The following PDZRN4 variants were observed in gnomAD, a reference collection of about 807,000 sequenced individuals.
PDZRN4 encodes PDZ domain containing ring finger 4.
In PDZRN4, 70 loss-of-function variants were observed where a neutral mutation model predicts 99.0. The ratio of observed to expected loss-of-function variants is 0.71; its 90% CI spans 0.58 to 0.86. PDZRN4 has a LOEUF of 0.86. Ranked by LOEUF, PDZRN4 falls within the 40% of genes least tolerant of loss-of-function variation. The pLI is 0.00. For missense variants in PDZRN4, 1,474 were observed against 1,331.2 expected, an observed-to-expected ratio of 1.11 and a Z score of -1.67; for synonymous variants, 551 against 501.6, an observed-to-expected ratio of 1.10 and a Z score of -1.32.
At chr12:41,437,041 G>A (rs142812802) in intron 3 of PDZRN4, among the ~76,000 whole-genome samples, 1 of 152,046 alleles carries the variant, frequency 6.6e-6, no homozygotes, top group Non-Finnish European at 1.5e-5. Flanking sequence ...CAATAGATGG[G>A]CCTTCATTAT....
intron 3 of PDZRN4, among the ~76,000 whole-genome samples, chr12:41,460,925 G>A (rs1372004147): frequency 3.3e-5 from 5 of 152,192 alleles, no homozygotes; most frequent in Non-Finnish European, 7.3e-5. Context: ...GTTCTTTGGA[G>A]TTTCAAATTG....
chr12:41,297,868 A>T (rs1363367009), intron 3 of PDZRN4, among the ~76,000 whole-genome samples: 1 of 152,248 alleles, frequency 6.6e-6, no homozygotes, highest in Non-Finnish European at 1.5e-5. Context: ...ATTTAATTAT[A>T]GTCATCCTCT....
intron 3 of PDZRN4, among the ~76,000 whole-genome samples, chr12:41,334,664 G>A (rs117264624): frequency 0.012 from 1,844 of 152,258 alleles, 28 homozygotes; most frequent in Non-Finnish European, 0.016. Context: ...AATGGATCAT[G>A]TCTGCCTTGC....
At chr12:41,251,648 C>A (rs117245056) in intron 3 of PDZRN4, among the ~76,000 whole-genome samples, 2 of 152,056 alleles carry the variant, frequency 1.3e-5, no homozygotes, top group African/African-American at 4.8e-5. Context: ...AAATAATACA[C>A]CTTTTCCATG....
chr12:41,540,250 C>A (rs1271805096), intron 5 of PDZRN4, among the ~76,000 whole-genome samples: 1 of 152,062 alleles, frequency 6.6e-6, no homozygotes, highest in African/African-American at 2.4e-5. Flanking sequence ...ATGAGAAACT[C>A]CAAGCATTTT....
intron 3 of PDZRN4, among the ~76,000 whole-genome samples, chr12:41,347,176 T>C (rs2121029134): frequency 6.6e-6 from 1 of 152,266 alleles, no homozygotes; most frequent in Non-Finnish European, 1.5e-5. Context: ...GGAGAGGAAT[T>C]GCTGGGTCCT....
chr12:41,302,918 CAT>C (rs1293814580), intron 3 of PDZRN4, among the ~76,000 whole-genome samples: 2 of 131,716 alleles, frequency 1.5e-5, no homozygotes, highest in South Asian at 5.4e-4. Flanking sequence ...GTCCTGATTT[CAT>C]ATATATATAT....
chr12:41,210,818 C>T (rs891004348), intron 3 of PDZRN4, among the ~76,000 whole-genome samples: 1 of 151,868 alleles, frequency 6.6e-6, no homozygotes, highest in Non-Finnish European at 1.5e-5. Flanking sequence ...AGGTTTAAAA[C>T]CCCAGAATTG....
chr12:41,544,999 A>G (rs903670430), intron 5 of PDZRN4, among the ~76,000 whole-genome samples: 9 of 152,228 alleles, frequency 5.9e-5, no homozygotes, highest in African/African-American at 2.2e-4. Context: ...CGATAGGACA[A>G]TGACACTGCT....
chr12:41,328,857 C>T (rs183729946), intron 3 of PDZRN4, among the ~76,000 whole-genome samples: 2 of 152,086 alleles, frequency 1.3e-5, no homozygotes, highest in Non-Finnish European at 2.9e-5. Context: ...GGGAGTGAGG[C>T]TTTTCTGATT....
intron 3 of PDZRN4, among the ~76,000 whole-genome samples, chr12:41,306,096 T>G (rs1427132681): frequency 2.6e-5 from 4 of 152,120 alleles, no homozygotes; most frequent in African/African-American, 9.7e-5. Context: ...ACAAGGCAAA[T>G]TCCATGAGAT....
chr12:41,227,876 TAC>T (rs138441771), intron 3 of PDZRN4, among the ~76,000 whole-genome samples: 4,893 of 94,104 alleles, frequency 0.052, 99 homozygotes, highest in East Asian at 0.085. Flanking sequence ...AGCAAAAATC[TAC>T]ACACACACAC....
At chr12:41,242,242 G>T (rs1951106038) in intron 3 of PDZRN4, among the ~76,000 whole-genome samples, 1 of 152,174 alleles carries the variant, frequency 6.6e-6, no homozygotes, top group Admixed American at 6.5e-5. Context: ...AAAAGAAGAT[G>T]TCATACTGAT....
At chr12:41,401,992 G>A (rs1314482556) in intron 3 of PDZRN4, among the ~76,000 whole-genome samples, 1 of 149,504 alleles carries the variant, frequency 6.7e-6, no homozygotes, top group Non-Finnish European at 1.5e-5. Context: ...CTTGAGGTCA[G>A]CATAAAAGCA....
intron 3 of PDZRN4, among the ~76,000 whole-genome samples, chr12:41,359,149 C>T (rs994082789): frequency 2.6e-5 from 4 of 151,838 alleles, no homozygotes; most frequent in African/African-American, 9.7e-5. Flanking sequence ...CTACTTTCTT[C>T]AAAGGCATTT....
chr12:41,230,625 A>C (rs1251471242), intron 3 of PDZRN4, among the ~76,000 whole-genome samples: 4 of 152,106 alleles, frequency 2.6e-5, no homozygotes, highest in Non-Finnish European at 5.9e-5. Flanking sequence ...GTGTGGAATC[A>C]GTAACATCCT....
At chr12:41,210,152 G>A (rs1950878644) in intron 3 of PDZRN4, among the ~76,000 whole-genome samples, 2 of 151,928 alleles carry the variant, frequency 1.3e-5, no homozygotes, top group Non-Finnish European at 2.9e-5. Flanking sequence ...CTTCTTTTGA[G>A]AAGTGTCTGT....
At chr12:41,407,838 A>C (rs1341880767) in intron 3 of PDZRN4, among the ~76,000 whole-genome samples, 1 of 152,218 alleles carries the variant, frequency 6.6e-6, no homozygotes, top group Non-Finnish European at 1.5e-5. Context: ...GTTATCACGC[A>C]ACTGGCATGA....
intron 3 of PDZRN4, among the ~76,000 whole-genome samples, chr12:41,325,979 C>G (rs1951707052): frequency 6.6e-6 from 1 of 151,892 alleles, no homozygotes; most frequent in South Asian, 2.1e-4. Context: ...CGATGTTTCT[C>G]TTCTCTTTTT....
Sources: allele counts gnomAD v4.1 joint callset (sites outside exome capture counted in the v4.1 genomes callset), GRCh38; gene constraint gnomAD v4.1.1; transcripts MANE v1.5; gene names NCBI Gene and HGNC (gene_info 2026-07-23, HGNC 2026-07-21).